The following ASAP2 variants were observed in gnomAD, a reference collection of about 807,000 sequenced individuals.
The protein encoded by ASAP2 is ArfGAP with SH3 domain, ankyrin repeat and PH domain 2, also known as arf-GAP with SH3 domain, ANK repeat and PH domain-containing protein 2.
In ASAP2, 45 loss-of-function variants were observed where a neutral mutation model predicts 131.4. The observed-to-expected ratio is 0.34, with a 90% CI of 0.27 to 0.44. The LOEUF (loss-of-function observed/expected upper bound fraction) is 0.44, where lower values mean the gene tolerates loss of function less well. ASAP2 is among the 20% of genes least tolerant of loss of function. The pLI, the probability that ASAP2 is intolerant of heterozygous loss-of-function variation, is 1.00. For missense variants in ASAP2, 1,011 were observed against 1,297.0 expected (o/e 0.78, Z 3.39); for synonymous variants, 510 against 503.0 (o/e 1.01, Z -0.19).
At chr2:9,373,312 C>T (rs989700756) in intron 16 of ASAP2, among the ~76,000 whole-genome samples, 4 of 152,196 alleles carry the variant, frequency 2.6e-5, no homozygotes, top group African/African-American at 9.6e-5. Context: ...CACCCTGGGG[C>T]GTGATTTCCT....
intron 20 of ASAP2, among the ~76,000 whole-genome samples, chr2:9,384,401 C>T (rs1311884130): frequency 6.6e-6 from 1 of 152,186 alleles, no homozygotes; most frequent in East Asian, 1.9e-4. Flanking sequence ...CAGACACCAG[C>T]TGGCTGTCCT....
In ASAP2 at chr2:9,317,602, G is replaced by A. The variant is rs555816757; in HGVS notation, c.346-922G>A. On this transcript the variant is annotated intron_variant, in intron 3 of 27. Coordinates refer to ENST00000281419, the MANE Select transcript of ASAP2 (RefSeq NM_003887.3). Reference sequence around the variant, plus strand: ...CACACCCGTACACAATCACATTCACGCACTCACATCCACAATCACACCCAC... The same window carrying A: ...CACACCCGTACACAATCACATTCACACACTCACATCCACAATCACACCCAC... Among the ~76,000 whole-genome samples, 120 of 124,868 alleles carry A rather than the reference G, an allele frequency of 9.6e-4. 1 individual carries two copies. The highest frequency in any genetic ancestry group is 3.4e-3 in the South Asian group (12 of 3,490). The allele number at this position is 124,868 out of a possible 152,430, so 81.9% of individuals were successfully genotyped here. A position where few individuals can be genotyped will look rare whatever the true frequency, so the allele number is the denominator to read the frequency against.
In ASAP2 at chr2:9,234,244, T is replaced by C. The variant is rs74518557; in HGVS notation, c.126+27014T>C. On this transcript the variant is annotated intron_variant, in intron 1 of 27. Transcript: ENST00000281419. ...GTTCATTTTTCTTCTTGACGCTATT[T>C]GTGCTGCCTCTCAGCTTCCTAAGCT... Among the ~76,000 whole-genome samples the C allele has an allele frequency of 8.6e-3, 1,308 of 152,288 alleles. 3 individuals are homozygous for C. Among genetic ancestry groups the C allele is most frequent in the Non-Finnish European group, 0.013 (897 of 68,020 alleles).
chr2:9,394,364 C>T (rs913099429), intron 24 of ASAP2, among the ~76,000 whole-genome samples: 2 of 151,968 alleles, frequency 1.3e-5, no homozygotes, highest in African/African-American at 4.8e-5. Flanking sequence ...CGAGGTTTCG[C>T]CGTGTTAGCC....
chr2:9,387,577 C>T (rs1474887726), intron 21 of ASAP2, among the ~76,000 whole-genome samples: 2 of 152,160 alleles, frequency 1.3e-5, no homozygotes, highest in Non-Finnish European at 2.9e-5. Flanking sequence ...CAGAGCTGGC[C>T]ACCCTGTGGG....
intron 6 of ASAP2, among the ~76,000 whole-genome samples, 156 bp from the exon 7 acceptor site, chr2:9,327,670 G>A (rs1270163529): frequency 2.0e-5 from 3 of 152,012 alleles, no homozygotes; most frequent in Admixed American, 6.6e-5. Context: ...ATAAAGAAAC[G>A]GTTACGGAAT....
intron 1 of ASAP2, among the ~76,000 whole-genome samples, chr2:9,220,557 T>G (rs1662344087): frequency 6.6e-6 from 1 of 152,242 alleles, no homozygotes; most frequent in South Asian, 2.1e-4. Context: ...ATGTTTATAT[T>G]GGATTATTTG....
At chr2:9,275,303 C>T (rs1026215049) in intron 1 of ASAP2, among the ~76,000 whole-genome samples, 3 of 152,134 alleles carry the variant, frequency 2.0e-5, no homozygotes, top group Admixed American at 1.3e-4. Context: ...CTCCTGGTCT[C>T]AAACATTCTT....
chr2:9,260,081 T>C (rs553295248), intron 1 of ASAP2, among the ~76,000 whole-genome samples: 154 of 152,304 alleles, frequency 1.0e-3, no homozygotes, highest in African/African-American at 3.6e-3. Flanking sequence ...ATGGCTCTGC[T>C]ATGGAGGTGG....
intron 15 of ASAP2, among the ~76,000 whole-genome samples, chr2:9,359,230 A>G (rs183293127): frequency 4.6e-5 from 7 of 152,228 alleles, no homozygotes; most frequent in African/African-American, 7.2e-5. Flanking sequence ...TAAAGACAGG[A>G]AAGTACTTGT....
At chr2:9,214,862 G>A (rs959599002) in intron 1 of ASAP2, among the ~76,000 whole-genome samples, 1 of 151,222 alleles carries the variant, frequency 6.6e-6, no homozygotes. Flanking sequence ...GTGCAGTTCT[G>A]TTTCATCCTT....
At position 9,405,561 on chromosome 2, in the gene ASAP2, AATTG is replaced by A. The variant is rs1026125593; in HGVS notation, c.*2238_*2241del. 1.6e-4 allele frequency: 24 copies of A among 152,720 alleles called. No homozygotes were observed. Among genetic ancestry groups the A allele is most frequent in the African/African-American group, 2.4e-4 (10 of 41,562 alleles). 9.5% of individuals were successfully genotyped at this position (152,720 alleles called of 1,614,324 possible). A position where few individuals can be genotyped will look rare whatever the true frequency, so the allele number is the denominator to read the frequency against. ...ACAACTGTATATATTGTATAACCGAAATTGATTATTTTCATTGTCCTTAATGCAG... is the reference window on the plus strand; with the variant it reads ...ACAACTGTATATATTGTATAACCGAAATTATTTTCATTGTCCTTAATGCAG... On this transcript the variant is annotated 3_prime_UTR_variant, in exon 28 of 28. Transcript: ENST00000281419.
At position 9,268,366 on chromosome 2, in the gene ASAP2, G is replaced by A. The variant is rs1375577065; in HGVS notation, c.127-10951G>A. 6.6e-6 allele frequency among the ~76,000 whole-genome samples: 1 copy of A among 152,198 alleles called. No individual in the cohort carries two copies. The highest frequency in any genetic ancestry group is 1.9e-4 in the East Asian group (1 of 5,178). On this transcript the variant is annotated intron_variant, in intron 1 of 27. Coordinates refer to ENST00000281419, the MANE Select transcript of ASAP2 (RefSeq NM_003887.3). The surrounding 1 kb of genome is among the most constrained non-coding windows in gnomAD (Gnocchi z 4.1). ...ATTTTTTAAGATAATACCAAAACACGCCCTTCTCATCTGTCCTTAGGCACA... is the reference window on the plus strand; with the variant it reads ...ATTTTTTAAGATAATACCAAAACACACCCTTCTCATCTGTCCTTAGGCACA...
Position 9,389,804 on chromosome 2 carries a change from G to A in ASAP2, c.2383+1258G>A, listed in dbSNP as rs1011773729. On this transcript the variant is annotated intron_variant, in intron 22 of 27. Coordinates refer to ENST00000281419, the MANE Select transcript of ASAP2 (RefSeq NM_003887.3). This position sits in a 1 kb window ranked among gnomAD's most constrained non-coding sequence, Gnocchi z 4.7. Reference sequence around the variant, plus strand: ...CGTCCATCCCTGGCTTGATGAGGACGTCCCTGAGCACAGAAGGCAGCTACA... The same window carrying A: ...CGTCCATCCCTGGCTTGATGAGGACATCCCTGAGCACAGAAGGCAGCTACA... Among the ~76,000 whole-genome samples the A allele has an allele frequency of 2.0e-5, 3 of 152,156 alleles. No individual in the cohort carries two copies. The highest frequency in any genetic ancestry group is 2.9e-5 in the Non-Finnish European group (2 of 68,036).
At chr2:9,237,683 G>C (rs996090590) in intron 1 of ASAP2, among the ~76,000 whole-genome samples, 3 of 152,142 alleles carry the variant, frequency 2.0e-5, no homozygotes, top group Admixed American at 6.5e-5. Flanking sequence ...GCCCCTCAAA[G>C]TGCTGGGATT....
intron 1 of ASAP2, among the ~76,000 whole-genome samples, chr2:9,257,518 G>GTTGTT (rs1203793945): frequency 3.9e-5 from 6 of 152,280 alleles, no homozygotes; most frequent in African/African-American, 1.4e-4. Flanking sequence ...TGAAAGTGTG[G>GTTGTT]TTGTTTTGTT....
intron 1 of ASAP2, among the ~76,000 whole-genome samples, chr2:9,270,195 G>A (rs973392049): frequency 3.9e-5 from 6 of 152,328 alleles, no homozygotes; most frequent in Middle Eastern, 3.4e-3. Flanking sequence ...TGCAGGCCCT[G>A]CTCCTGTCTT....
intron 17 of ASAP2, among the ~76,000 whole-genome samples, chr2:9,376,402 G>A (rs1674398572): frequency 6.6e-6 from 1 of 152,270 alleles, no homozygotes; most frequent in Non-Finnish European, 1.5e-5. Flanking sequence ...AGAAAAGGCA[G>A]TGGAGTTGGG....
Position 9,389,848 on chromosome 2 carries a change from G to A in ASAP2, c.2384-1214G>A, listed in dbSNP as rs1161971805. Among the ~76,000 whole-genome samples the A allele has an allele frequency of 1.3e-5, 2 of 152,130 alleles. No homozygotes were observed. Among genetic ancestry groups the A allele is most frequent in the African/African-American group, 4.8e-5 (2 of 41,422 alleles). On this transcript the variant is annotated intron_variant, in intron 22 of 27. Coordinates refer to ENST00000281419, the MANE Select transcript of ASAP2 (RefSeq NM_003887.3). The surrounding 1 kb of genome is among the most constrained non-coding windows in gnomAD (Gnocchi z 4.7). ...AGCTACAAGATGAAGCCACACAGTCGCATCTCCTCCCTGTCAAACCCCCAG... is the reference window on the plus strand; with the variant it reads ...AGCTACAAGATGAAGCCACACAGTCACATCTCCTCCCTGTCAAACCCCCAG...
Sources: gnomAD v4.1 joint callset for allele counts (sites outside exome capture counted in the v4.1 genomes callset) on GRCh38, gnomAD v4.1.1 for gene constraint, Gnocchi (gnomAD v3.1) non-coding constraint, MANE v1.5 for transcripts, NCBI Gene and HGNC (gene_info 2026-07-23, HGNC 2026-07-21) for gene names.